The following RARB variants were observed in gnomAD, a reference collection of about 807,000 sequenced individuals.
RARB encodes HBV-activated protein.
A neutral mutation model predicts 51.9 loss-of-function variants in RARB; 17 were observed. The observed-to-expected ratio is 0.33, with a 90% confidence interval of 0.22 to 0.49. The LOEUF is 0.49. RARB is among the 20% of genes least tolerant of loss of function. The probability of loss-of-function intolerance (pLI) is 0.99; values close to 1 mark genes in which losing one functional copy is unlikely to be tolerated. For synonymous variants in RARB, 215 were observed against 195.4 expected (o/e 1.10, Z -0.84); for missense variants, 369 against 550.8 (o/e 0.67, Z 3.30).
intron 1 of RARB, among the ~76,000 whole-genome samples, chr3:24,848,877 G>A (rs1488202757): frequency 6.6e-6 from 1 of 152,118 alleles, no homozygotes; most frequent in Non-Finnish European, 1.5e-5. Flanking sequence ...TATGCCTTAT[G>A]GCCACCCAAA....
chr3:25,130,519 C>T (rs529292657), intron 3 of RARB, among the ~76,000 whole-genome samples: 2 of 151,572 alleles, frequency 1.3e-5, no homozygotes, highest in Admixed American at 1.3e-4. Context: ...AGTAATGGAC[C>T]ACCTTGTATT....
intron 3 of RARB, among the ~76,000 whole-genome samples, chr3:25,519,157 A>G (rs1268803877): frequency 4.6e-5 from 7 of 152,124 alleles, no homozygotes; most frequent in Admixed American, 4.6e-4. Context: ...TTTTATAGAT[A>G]GGCTTTTCTC....
At chr3:25,068,387 C>T (rs188381394) in intron 3 of RARB, among the ~76,000 whole-genome samples, 1 of 151,908 alleles carries the variant, frequency 6.6e-6, no homozygotes, top group African/African-American at 2.4e-5. Context: ...CACCATACTT[C>T]TCCCATGACA....
At chr3:25,139,687 G>T (rs1700080800) in intron 4 of RARB, among the ~76,000 whole-genome samples, 1 of 152,146 alleles carries the variant, frequency 6.6e-6, no homozygotes. Flanking sequence ...ATTGATGAAG[G>T]TGGCTACACT....
chr3:25,037,993 G>A (rs1434421745), intron 2 of RARB, among the ~76,000 whole-genome samples: 1 of 152,178 alleles, frequency 6.6e-6, no homozygotes, highest in African/African-American at 2.4e-5. Context: ...GTAACAACTT[G>A]GCAAGCTAGT....
chr3:25,492,082 T>A (rs1265851999), intron 2 of RARB, among the ~76,000 whole-genome samples: 1 of 152,234 alleles, frequency 6.6e-6, no homozygotes, highest in Non-Finnish European at 1.5e-5. Flanking sequence ...AGCTCTTCAC[T>A]TTTTGAAGAC....
intron 2 of RARB, among the ~76,000 whole-genome samples, chr3:25,023,840 A>G (rs531684667): frequency 1.8e-4 from 27 of 152,348 alleles, no homozygotes; most frequent in African/African-American, 5.1e-4. Flanking sequence ...AGGGTACATT[A>G]AAAAGTAATA....
rs114811744 is a variant in RARB at position 24,877,416 on chromosome 3, G to T, written c.-380+18664G>T. ...CTCTAGAAAGACTTAAGAATAGAAA[G>T]CCCCAGAACCTTTAAAAGTAGAGTG... On this transcript the variant is annotated intron_variant, in intron 2 of 11. Coordinates refer to the RARB transcript ENST00000383772. Among the ~76,000 whole-genome samples, 1,023 of 124,396 alleles carry T rather than the reference G, an allele frequency of 8.2e-3. 15 individuals carry two copies. The highest frequency in any genetic ancestry group is 0.029 in the African/African-American group (972 of 33,090). The allele number at this position is 124,396 out of a possible 152,430, so 81.6% of individuals were successfully genotyped here.
chr3:24,979,930 T>G (rs1400173109), intron 2 of RARB, among the ~76,000 whole-genome samples: 1 of 152,142 alleles, frequency 6.6e-6, no homozygotes, highest in Admixed American at 6.5e-5. Flanking sequence ...TATTTCCACA[T>G]GCTTCCTTCA....
chr3:24,955,418 A>G (rs1202520875), intron 2 of RARB, among the ~76,000 whole-genome samples: 12 of 152,226 alleles, frequency 7.9e-5, no homozygotes, highest in Non-Finnish European at 7.4e-5. Context: ...GAAAACGGGG[A>G]TAACTGTTCC....
intron 3 of RARB, among the ~76,000 whole-genome samples, chr3:25,078,753 A>G (rs752108752): frequency 5.3e-5 from 8 of 151,888 alleles, no homozygotes; most frequent in Non-Finnish European, 1.0e-4. Flanking sequence ...CTGGTCTCGA[A>G]CTCCCGACCT....
chr3:25,131,520 G>C (rs1699953911), intron 3 of RARB, among the ~76,000 whole-genome samples: 2 of 151,844 alleles, frequency 1.3e-5, no homozygotes, highest in Non-Finnish European at 2.9e-5. Flanking sequence ...TGTCTAATTA[G>C]CTTCAACATA....
At chr3:25,343,363 C>G (rs116723956) in intron 5 of RARB, among the ~76,000 whole-genome samples, 1,586 of 152,134 alleles carry the variant, frequency 0.01, 12 homozygotes, top group Middle Eastern at 0.031. Context: ...TTACAGTTTT[C>G]TCCCCCTTTG....
At chr3:25,165,060 T>G (rs1287453610) in intron 4 of RARB, among the ~76,000 whole-genome samples, 1 of 152,084 alleles carries the variant, frequency 6.6e-6, no homozygotes, top group Non-Finnish European at 1.5e-5. Context: ...CCTTCTGGGA[T>G]CTAAGGCCTA....
intron 5 of RARB, among the ~76,000 whole-genome samples, chr3:25,309,738 G>A (rs1340457404): frequency 9.3e-5 from 14 of 150,952 alleles, no homozygotes; most frequent in Non-Finnish European, 1.6e-4. Flanking sequence ...CTCGTGATCC[G>A]CCAACCTCGG....
intron 5 of RARB, among the ~76,000 whole-genome samples, chr3:25,289,401 T>G (rs930875586): frequency 2.0e-5 from 3 of 152,188 alleles, no homozygotes; most frequent in African/African-American, 7.2e-5. Flanking sequence ...ATCAGTCACC[T>G]CTCAATCACA....
chr3:25,000,771 G>T (rs1403608858), intron 2 of RARB, among the ~76,000 whole-genome samples: 1 of 152,068 alleles, frequency 6.6e-6, no homozygotes, highest in Non-Finnish European at 1.5e-5. Context: ...AAATCTGTCA[G>T]TAATAATTGT....
intron 4 of RARB, among the ~76,000 whole-genome samples, chr3:25,570,487 C>T (rs1172246325): frequency 2.0e-5 from 3 of 152,166 alleles, no homozygotes; most frequent in African/African-American, 4.8e-5. Context: ...GTAGGCATGC[C>T]CCATGCCCAG....
At chr3:24,990,125 CTT>C (rs199516505) in intron 2 of RARB, among the ~76,000 whole-genome samples, 1,115 of 87,608 alleles carry the variant, frequency 0.013, 340 homozygotes, top group Middle Eastern at 0.044. Flanking sequence ...TGGAACTTTT[CTT>C]TTTTTTTTTT....
Sources: gnomAD v4.1 joint callset for allele counts (sites outside exome capture counted in the v4.1 genomes callset) on GRCh38, gnomAD v4.1.1 for gene constraint, MANE v1.5 for transcripts, NCBI Gene and HGNC (gene_info 2026-07-23, HGNC 2026-07-21) for gene names.